PSG4: variants seen among roughly 807,000 people sequenced by gnomAD.
The protein encoded by PSG4 is pregnancy-specific beta-1-glycoprotein 4.
PSG4 carries 61 observed loss-of-function variants against 44.3 expected under a neutral mutation model. The ratio of observed to expected loss-of-function variants is 1.38; its 90% confidence interval spans 1.12 to 1.70. The LOEUF is 1.70. Among genes scored for constraint, PSG4 ranks in the 40% most tolerant of loss-of-function variants. PSG4 has a pLI of 0.00. For missense variants in PSG4, 677 were observed against 511.7 expected (o/e 1.32, Z -3.12); for synonymous variants, 248 against 191.3 (o/e 1.30, Z -2.45).
chr19:43,203,170 C>G (rs1242310819), intron 2 of PSG4: 1 of 146,732 alleles, frequency 6.8e-6, no homozygotes, highest in African/African-American at 2.6e-5. Flanking sequence ...CATCAGATCC[C>G]TGTGGACAAT....
Position 43,205,635 on chromosome 19 carries a change from T to C in PSG4, c.-99A>G, listed in dbSNP as rs61995940. The C allele has an allele frequency of 0.024, 31,344 of 1,287,006 alleles. 1,269 individuals carry two copies. The highest frequency in any genetic ancestry group is 0.027 in the South Asian group (1,840 of 68,706). 79.7% of individuals were successfully genotyped at this position (1,287,006 alleles called of 1,614,324 possible). A position where few individuals can be genotyped will look rare whatever the true frequency, so the allele number is the denominator to read the frequency against. On this transcript the variant is annotated 5_prime_UTR_variant, in exon 1 of 6. Transcript: ENST00000405312. ...AGCTGTGCTGTCCTTCCTCCTTCTGTGCTGAGCCTCCTCCCGGGGCAGGAG... is the reference window on the plus strand; with the variant it reads ...AGCTGTGCTGTCCTTCCTCCTTCTGCGCTGAGCCTCCTCCCGGGGCAGGAG...
intron 2 of PSG4, among the ~76,000 whole-genome samples, chr19:43,200,923 G>T (rs947123377): frequency 6.8e-6 from 1 of 146,064 alleles, no homozygotes; most frequent in Admixed American, 6.8e-5. Flanking sequence ...TTAGAACGGA[G>T]TCACAAATTT....
At position 43,197,947 on chromosome 19, in the gene PSG4, T is replaced by C. The variant is rs555809394; in HGVS notation, c.709+50A>G. The C allele has an allele frequency of 1.6e-5, 25 of 1,521,354 alleles. 4 individuals are homozygous for C. Among genetic ancestry groups the C allele is most frequent in the Non-Finnish European group, 2.0e-5 (23 of 1,143,852 alleles). 94.2% of individuals were successfully genotyped at this position (1,521,354 alleles called of 1,614,324 possible). ...GACTGAGAGGCCTGGCCTCTGGCCA[T>C]GTGTATTTGGGATGGCAGCCTGGCT... On this transcript the variant is annotated intron_variant, in intron 3 of 5. Coordinates refer to ENST00000405312, the MANE Select transcript of PSG4 (RefSeq NM_002780.5).
In PSG4 at chr19:43,205,283, G is replaced by A. The variant is rs1454400622; in HGVS notation, c.64+190C>T. ...CCACTATACCTGGTTAATTTTTTGT[G>A]TTTTTAGTAGAGACAGGGCTTCACA... On this transcript the variant is annotated intron_variant, in intron 1 of 5. Coordinates refer to ENST00000405312, the MANE Select transcript of PSG4 (RefSeq NM_002780.5). 2.8e-4 allele frequency among the ~76,000 whole-genome samples: 40 copies of A among 142,006 alleles called. 5 individuals carry two copies. Among genetic ancestry groups the A allele is most frequent in the Admixed American group, 2.0e-3 (29 of 14,324 alleles). The allele number at this position is 142,006 out of a possible 152,430, so 93.2% of individuals were successfully genotyped here. A position where few individuals can be genotyped will look rare whatever the true frequency, so the allele number is the denominator to read the frequency against.
Position 43,200,808 on chromosome 19 carries a change from C to G in PSG4, c.431-2533G>C, listed in dbSNP as rs185993903. 1.4e-5 allele frequency among the ~76,000 whole-genome samples: 2 copies of G among 146,122 alleles called. 1 individual carries two copies. The highest frequency in any genetic ancestry group is 3.0e-5 in the Non-Finnish European group (2 of 67,272). ...GCCAGGATGGTCTCCATCTCCTGAC[C>G]TTGTGCCTGCCTCGGCCTCCCAAAG... On this transcript the variant is annotated intron_variant, in intron 2 of 5. Transcript: ENST00000405312.
At position 43,195,206 on chromosome 19, in the gene PSG4, G is replaced by A. The variant is rs749629675; in HGVS notation, c.777C>T (p.Thr259=). 41 of 1,610,110 alleles carry A rather than the reference G, an allele frequency of 2.5e-5. 1 individual carries two copies. Among genetic ancestry groups the A allele is most frequent in the Non-Finnish European group, 3.1e-5 (36 of 1,178,998 alleles). ...LNPRENKDVL[T]FTCEPKSKNY... is the part of the protein sequence containing the mutation. ...TCTTACTCTTAGGTTCACAGGTGAA[G>A]GTTAAGACATCCTTATTCTCTCTGG... Residue 259 remains threonine (T), a synonymous_variant, in exon 4 of 6, where the codon ACC becomes ACT. Transcript: ENST00000405312.
intron 2 of PSG4, chr19:43,203,201 T>TC (rs912298158): frequency 2.7e-5 from 4 of 146,656 alleles, no homozygotes; most frequent in Admixed American, 6.8e-5. Flanking sequence ...GTACATCTTC[T>TC]CCTTCTGTTT....
Position 43,193,080 on chromosome 19 carries a change from T to A in PSG4, c.*292A>T. 1.6e-6 allele frequency: 1 copy of A among 614,716 alleles called. No individual in the cohort carries two copies. Among genetic ancestry groups the A allele is most frequent in the Non-Finnish European group, 2.9e-6 (1 of 343,336 alleles). The allele number at this position is 614,716 out of a possible 1,614,324, so 38.1% of individuals were successfully genotyped here. A position where few individuals can be genotyped will look rare whatever the true frequency, so the allele number is the denominator to read the frequency against. ...AGAGGCAGGCATGAGCAAGGACGGT[T>A]AAGAGGGGTGGGAGCCTTATCATGA... On this transcript the variant is annotated 3_prime_UTR_variant, in exon 6 of 6. Transcript: ENST00000405312.
Position 43,204,803 on chromosome 19 carries a change from A to AG in PSG4, c.65-553dup, listed in dbSNP as rs1255957481. The AG allele has an allele frequency of 7.7e-6, 3 of 389,164 alleles. 1 individual carries two copies. The African/African-American group carries it at 1.1e-4, about 14-fold the overall frequency. 24.1% of individuals were successfully genotyped at this position (389,164 alleles called of 1,614,324 possible). ...GACTCCTGTAGATGTGAGAGTTCTC[A>AG]GGGTCTCCACCCTCTGGATGTTTCT... On this transcript the variant is annotated intron_variant, in intron 1 of 5. Transcript: ENST00000405312.
chr19:43,192,987 A>G lies in PSG4; in HGVS notation c.*385T>C. The G allele has an allele frequency of 1.9e-6, 1 of 515,536 alleles. No homozygotes were observed. The highest frequency in any genetic ancestry group is 2.9e-5 in the South Asian group (1 of 34,462). 31.9% of individuals were successfully genotyped at this position (515,536 alleles called of 1,614,324 possible). A position where few individuals can be genotyped will look rare whatever the true frequency, so the allele number is the denominator to read the frequency against. ...TTGAGGTTGAGATGACATATCTGAC[A>G]CTCTGTTGTTACCCTCAGAAGCTAC... On this transcript the variant is annotated 3_prime_UTR_variant, in exon 6 of 6. Coordinates refer to ENST00000405312, the MANE Select transcript of PSG4 (RefSeq NM_002780.5).
intron 2 of PSG4, 177 bp from the exon 3 acceptor site, chr19:43,198,452 G>C: frequency 8.6e-7 from 1 of 1,164,506 alleles, no homozygotes; most frequent in Non-Finnish European, 1.1e-6. Flanking sequence ...GAGATTGTGA[G>C]GCTGCCTGCT....
rs866366633 is a variant in PSG4, at chr19:43,203,899, G to T, written c.417C>A (p.Thr139=). 6.3e-7 allele frequency: 1 copy of T among 1,581,112 alleles called. No individual in the cohort carries two copies. The highest frequency in any genetic ancestry group is 1.1e-5 in the South Asian group (1 of 88,796). ...DGTGGVTGHF[T]FTLHLETPKP... is the part of the protein sequence containing the mutation. ...GGAATCACTCACGGTGTAAGGTGAAGGTGAAATGTCCAGTTACTCCTCCAG... is the reference window on the plus strand; with the variant it reads ...GGAATCACTCACGGTGTAAGGTGAATGTGAAATGTCCAGTTACTCCTCCAG... The change falls in exon 2 of 6, where the codon ACC becomes ACA. Residue 139 remains threonine, a synonymous_variant. Coordinates refer to ENST00000405312, the MANE Select transcript of PSG4 (RefSeq NM_002780.5).
At chr19:43,197,413 A>T (rs1309457631) in intron 3 of PSG4, among the ~76,000 whole-genome samples, 3 of 144,872 alleles carry the variant, frequency 2.1e-5, no homozygotes, top group Non-Finnish European at 4.5e-5. Flanking sequence ...ACAGACCTAA[A>T]CCCCTCTATA....
chr19:43,197,805 A>G, intron 3 of PSG4, 192 bp downstream of exon 3: 1 of 1,169,930 alleles, frequency 8.5e-7, no homozygotes, highest in Non-Finnish European at 1.2e-6. Flanking sequence ...TGACAGGAGC[A>G]GCCTCTTTTC....
rs193139369 is a variant in PSG4 at position 43,201,504 on chromosome 19, G to C, written c.430+2382C>G. On this transcript the variant is annotated intron_variant, in intron 2 of 5. Coordinates refer to ENST00000405312, the MANE Select transcript of PSG4 (RefSeq NM_002780.5). The stretch of plus-strand genomic sequence containing the variant: ...CTTTTGAGATGTTTCTCATTCTTTT[G>C]CATTCTGGCAACCGGCTGACCTCAT... 2.7e-3 allele frequency among the ~76,000 whole-genome samples: 397 copies of C among 145,206 alleles called. 30 individuals carry two copies. Among genetic ancestry groups the C allele is most frequent in the Non-Finnish European group, 4.0e-3 (271 of 67,088 alleles).
At chr19:43,205,111 C>CTTTTTTTTTTCTTTTTTTTTTTTTTT (rs1555724415) in intron 1 of PSG4, among the ~76,000 whole-genome samples, 9 of 90,852 alleles carry the variant, frequency 9.9e-5, no homozygotes, top group Non-Finnish European at 1.6e-4. Flanking sequence ...TTCCTTTTTT[C>CTTTTTTTTTTCTTTTTTTTTTTTTTT]TTTTTTTTTT....
chr19:43,197,088 T>C (rs1056913634), intron 3 of PSG4, among the ~76,000 whole-genome samples: 2 of 145,982 alleles, frequency 1.4e-5, no homozygotes, highest in Non-Finnish European at 3.0e-5. Context: ...TTTTATTCCT[T>C]TTGATGTTAA....
chr19:43,203,166 A>G (rs1967597653), intron 2 of PSG4: 1 of 146,658 alleles, frequency 6.8e-6, no homozygotes, highest in South Asian at 2.1e-4. Context: ...TTTACATCAG[A>G]TCCCTGTGGA....
rs1599770524 is a variant in PSG4 at position 43,197,238 on chromosome 19, T to G, written c.709+759A>C. On this transcript the variant is annotated intron_variant, in intron 3 of 5. Transcript: ENST00000405312. ...CAGAAACATATTCCCTGTGCTGGGTTTTTGATTTTCCCTCTCCCTTTGCAG... is the reference window on the plus strand; with the variant it reads ...CAGAAACATATTCCCTGTGCTGGGTGTTTGATTTTCCCTCTCCCTTTGCAG... Among the ~76,000 whole-genome samples the G allele has an allele frequency of 2.1e-5, 3 of 144,972 alleles. 1 individual carries two copies. In the East Asian group the frequency reaches 7.1e-4, roughly 34 times the overall value.
Sources: gnomAD v4.1 joint callset for allele counts (sites outside exome capture counted in the v4.1 genomes callset) on GRCh38, gnomAD v4.1.1 for gene constraint, MANE v1.5 for transcripts, NCBI Gene and HGNC (gene_info 2026-07-23, HGNC 2026-07-21) for gene names.